The following FGGY variants were observed in gnomAD, a reference collection of about 807,000 sequenced individuals.
FGGY encodes the protein FGGY carbohydrate kinase domain containing.
A neutral mutation model predicts 71.3 loss-of-function variants in FGGY; 72 were observed. That is an observed-to-expected ratio of 1.01 (90% CI 0.84 to 1.23). The LOEUF (loss-of-function observed/expected upper bound fraction) is 1.23. Ranked by LOEUF, FGGY falls within the 50% of genes most tolerant of loss-of-function variation. FGGY has a pLI of 0.00. For synonymous variants in FGGY, 251 were observed against 250.3 expected (o/e 1.00, Z -0.02); for missense variants, 668 against 682.3 (o/e 0.98, Z 0.23).
intron 8 of FGGY, among the ~76,000 whole-genome samples, chr1:59,600,632 C>T (rs891341502): frequency 1.3e-5 from 2 of 152,166 alleles, no homozygotes; most frequent in Admixed American, 6.5e-5. Context: ...AGAATTAAGC[C>T]ATCTGTGGCT....
At chr1:59,446,314 G>A (rs952516154) in intron 5 of FGGY, among the ~76,000 whole-genome samples, 2 of 152,082 alleles carry the variant, frequency 1.3e-5, no homozygotes, top group African/African-American at 4.8e-5. Context: ...TATTTATTCA[G>A]TTCTTTCATG....
chr1:59,656,076 C>A (rs1313169002), intron 11 of FGGY, among the ~76,000 whole-genome samples: 1 of 152,024 alleles, frequency 6.6e-6, no homozygotes, highest in East Asian at 1.9e-4. Flanking sequence ...TTTCATGCAC[C>A]CTAATATTAA....
At chr1:59,591,715 C>T (rs1483187633) in intron 8 of FGGY, among the ~76,000 whole-genome samples, 2 of 152,142 alleles carry the variant, frequency 1.3e-5, no homozygotes, top group Non-Finnish European at 2.9e-5. Context: ...ATAAATGGTG[C>T]TGGGAAAACT....
At chr1:59,573,440 A>T (rs909913003) in intron 8 of FGGY, among the ~76,000 whole-genome samples, 2 of 151,874 alleles carry the variant, frequency 1.3e-5, no homozygotes, top group African/African-American at 4.8e-5. Context: ...ACATATACAC[A>T]TATGTGTGTG....
At chr1:59,302,939 C>T (rs1032394802) in intron 1 of FGGY, among the ~76,000 whole-genome samples, 2 of 152,124 alleles carry the variant, frequency 1.3e-5, no homozygotes, top group South Asian at 4.1e-4. Flanking sequence ...AATACAAAGT[C>T]GTTTGATTAC....
At chr1:59,613,417 G>A (rs1012769096) in intron 9 of FGGY, among the ~76,000 whole-genome samples, 33 of 152,022 alleles carry the variant, frequency 2.2e-4, no homozygotes, top group African/African-American at 7.7e-4. Flanking sequence ...TAACAAAATG[G>A]AGGCAGAAAT....
intron 8 of FGGY, among the ~76,000 whole-genome samples, chr1:59,564,939 T>C (rs1280106849): frequency 6.6e-6 from 1 of 152,126 alleles, no homozygotes; most frequent in Non-Finnish European, 1.5e-5. Flanking sequence ...GCAAGTTGCC[T>C]GGAAGAATGG....
At chr1:59,484,509 A>G (rs1382523318) in intron 6 of FGGY, among the ~76,000 whole-genome samples, 1 of 152,116 alleles carries the variant, frequency 6.6e-6, no homozygotes, top group Non-Finnish European at 1.5e-5. Context: ...TAGGACTGTA[A>G]TGTTTATTTG....
intron 5 of FGGY, among the ~76,000 whole-genome samples, chr1:59,403,161 T>C (rs1013650845): frequency 1.3e-5 from 2 of 152,224 alleles, no homozygotes; most frequent in African/African-American, 4.8e-5. Flanking sequence ...GTGTGCTGGA[T>C]GCTTCTGAAA....
chr1:59,543,684 A>AT (rs772974797), intron 7 of FGGY, among the ~76,000 whole-genome samples: 168 of 151,536 alleles, frequency 1.1e-3, no homozygotes, highest in Middle Eastern at 0.01. Flanking sequence ...GCTAATTAAT[A>AT]TTTTTTTTCC....
chr1:59,664,619 A>T (rs940418978), intron 12 of FGGY, among the ~76,000 whole-genome samples: 1 of 152,246 alleles, frequency 6.6e-6, no homozygotes, highest in Non-Finnish European at 1.5e-5. Flanking sequence ...TGTATTGCTT[A>T]GTCAAATTAT....
chr1:59,508,701 T>C (rs2094451346), intron 6 of FGGY, among the ~76,000 whole-genome samples: 1 of 152,174 alleles, frequency 6.6e-6, no homozygotes. Context: ...TCCTTCCTGC[T>C]TGGAGTCCAG....
intron 12 of FGGY, among the ~76,000 whole-genome samples, chr1:59,663,945 G>A (rs1446745977): frequency 1.3e-5 from 2 of 152,168 alleles, no homozygotes; most frequent in African/African-American, 4.8e-5. Flanking sequence ...ATCTTTGGGT[G>A]CTGTTTTGTA....
intron 5 of FGGY, among the ~76,000 whole-genome samples, chr1:59,410,417 C>G (rs2063436333): frequency 6.6e-6 from 1 of 152,168 alleles, no homozygotes; most frequent in South Asian, 2.1e-4. Context: ...GCCCACATCA[C>G]ACTACTAGTA....
chr1:59,316,944 G>A (rs1408868969), intron 1 of FGGY, among the ~76,000 whole-genome samples: 1 of 152,156 alleles, frequency 6.6e-6, no homozygotes, highest in Non-Finnish European at 1.5e-5. Context: ...TAAGAAGAAT[G>A]AAATGAAACC....
intron 6 of FGGY, among the ~76,000 whole-genome samples, chr1:59,486,317 A>C (rs187201519): frequency 2.6e-5 from 4 of 152,322 alleles, no homozygotes; most frequent in Admixed American, 2.0e-4. Flanking sequence ...GCTAGCAACC[A>C]GTGAACATCC....
At position 59,547,780 on chromosome 1, in the gene FGGY, A is replaced by G. The variant is rs1558308104; in HGVS notation, c.800-6344A>G. 2.0e-5 allele frequency among the ~76,000 whole-genome samples: 3 copies of G among 152,206 alleles called. No homozygotes were observed. The South Asian group carries it at 6.2e-4, about 32-fold the overall frequency. On this transcript the variant is annotated intron_variant, in intron 7 of 15. Coordinates refer to ENST00000303721, the MANE Select transcript of FGGY (RefSeq NM_018291.5). ...GAGTTGTCACTCAAAACCAATCAATATTTTTCACCTTTATTCATATTTAAG... is the reference window on the plus strand; with the variant it reads ...GAGTTGTCACTCAAAACCAATCAATGTTTTTCACCTTTATTCATATTTAAG...
At position 59,607,853 on chromosome 1, in the gene FGGY, A is replaced by T; in HGVS notation, c.954A>T (p.Ser318=). 3.1e-6 allele frequency: 5 copies of T among 1,614,064 alleles called. No individual in the cohort carries two copies. The highest frequency in any genetic ancestry group is 4.2e-6 in the Non-Finnish European group (5 of 1,179,924). The change falls in exon 9 of 16, where the codon TCA becomes TCT. Residue 318 remains serine (S), a synonymous_variant. Coordinates refer to ENST00000303721, the MANE Select transcript of FGGY (RefSeq NM_018291.5). ...FVPGVWGPYF[S]AMVPGFWLNE... ...CAGGCGTCTGGGGGCCTTATTTCTCAGCCATGGTACCTGGGTTCTGGCTGA... is the reference window on the plus strand; with the variant it reads ...CAGGCGTCTGGGGGCCTTATTTCTCTGCCATGGTACCTGGGTTCTGGCTGA...
intron 8 of FGGY, among the ~76,000 whole-genome samples, chr1:59,601,231 C>G (rs77069434): frequency 0.013 from 2,030 of 152,290 alleles, 17 homozygotes; most frequent in Non-Finnish European, 0.021. Flanking sequence ...TTTGCCCCTG[C>G]CAGAGGCTTA....
Sources: allele counts gnomAD v4.1 joint callset (sites outside exome capture counted in the v4.1 genomes callset), GRCh38; gene constraint gnomAD v4.1.1; transcripts MANE v1.5; gene names NCBI Gene and HGNC (gene_info 2026-07-23, HGNC 2026-07-21).